The following PIEZO2 variants were observed in gnomAD, a reference collection of about 807,000 sequenced individuals.
PIEZO2 encodes the protein piezo type mechanosensitive ion channel component 2.
Under a neutral mutation model 337.3 loss-of-function variants are expected in PIEZO2, and 172 were observed. The observed-to-expected ratio is 0.51, with a 90% confidence interval of 0.45 to 0.58. The LOEUF is 0.58. Ranked by LOEUF, PIEZO2 falls within the 20% of genes least tolerant of loss-of-function variation. The pLI is 0.00. For missense variants in PIEZO2, 3,028 were observed against 3,391.3 expected (o/e 0.89, Z 2.66); for synonymous variants, 1,251 against 1,228.5 (o/e 1.02, Z -0.38).
intron 14 of PIEZO2, among the ~76,000 whole-genome samples, chr18:10,790,765 G>A (rs1480464860): frequency 6.7e-6 from 1 of 150,186 alleles, no homozygotes; most frequent in Non-Finnish European, 1.5e-5. Flanking sequence ...GAGTGCAGCG[G>A]TGAGGTCTCG....
intron 36 of PIEZO2, among the ~76,000 whole-genome samples, 159 bp from the exon 37 acceptor site, chr18:10,718,418 A>T (rs2036102285): frequency 1.3e-5 from 2 of 152,206 alleles, no homozygotes; most frequent in African/African-American, 4.8e-5. Context: ...TAGCTCTTAG[A>T]TTATTTTACT....
rs1490124878 is a variant in PIEZO2, at chr18:10,713,057, C to T, written c.5423+1707G>A. Among the ~76,000 whole-genome samples the T allele has an allele frequency of 1.3e-5, 2 of 152,106 alleles. No homozygotes were observed. The highest frequency in any genetic ancestry group is 4.8e-5 in the African/African-American group (2 of 41,412). ...TCAATACCTATTTTAGGGGAGCAGG[C>T]AGGGATACACCCATGCACAGTGTTA... On this transcript the variant is annotated intron_variant, in intron 39 of 55. Transcript: ENST00000674853. The surrounding 1 kb of genome is among the most constrained non-coding windows in gnomAD (Gnocchi z 4.5).
Position 10,979,490 on chromosome 18 carries a change from A to C in PIEZO2, c.286+45T>G, listed in dbSNP as rs890911596. The stretch of plus-strand genomic sequence containing the variant: ...CACAGCTTTATTATGCACGTATATA[A>C]AAGAAATAAAAGAAAACAATAAAAG... On this transcript the variant is annotated intron_variant, in intron 3 of 55. Transcript: ENST00000674853. This position sits in a 1 kb window ranked among gnomAD's most constrained non-coding sequence, Gnocchi z 4.0. 1 of 1,423,030 alleles carries C rather than the reference A, an allele frequency of 7.0e-7. No homozygotes were observed. Among genetic ancestry groups the C allele is most frequent in the Non-Finnish European group, 9.3e-7 (1 of 1,079,636 alleles). 88.2% of individuals were successfully genotyped at this position (1,423,030 alleles called of 1,614,324 possible).
intron 9 of PIEZO2, among the ~76,000 whole-genome samples, chr18:10,801,942 CG>C (rs1568074764): frequency 6.6e-6 from 1 of 151,708 alleles, no homozygotes; most frequent in Non-Finnish European, 1.5e-5. Context: ...AAAAATTAGC[CG>C]GGCGTCGTGG....
At chr18:10,984,427 G>T (rs541822783) in intron 2 of PIEZO2, among the ~76,000 whole-genome samples, 62 of 152,012 alleles carry the variant, frequency 4.1e-4, no homozygotes, top group African/African-American at 1.3e-3. Flanking sequence ...TGGAGCTAAA[G>T]AATACAATGA....
chr18:10,744,365 G>A (rs1045157599), intron 30 of PIEZO2, 134 bp from the exon 31 acceptor site: 3 of 626,538 alleles, frequency 4.8e-6, no homozygotes, highest in East Asian at 2.9e-5. Flanking sequence ...CTGGCTGGGA[G>A]CAGGAGTCAA....
At chr18:10,961,537 C>T (rs2033780104) in intron 3 of PIEZO2, among the ~76,000 whole-genome samples, 1 of 151,936 alleles carries the variant, frequency 6.6e-6, no homozygotes, top group Non-Finnish European at 1.5e-5. Flanking sequence ...CCAAATACCA[C>T]ATGTACCCCA....
chr18:10,674,384 G>A lies in PIEZO2; in HGVS notation c.8161+825C>T, dbSNP rs141507112. ...AGGGAAATAGCAAACTTCTTAATGC[G>A]TCTTGCAAATACCTTGTAAGAGATA... On this transcript the variant is annotated intron_variant, in intron 54 of 55. Transcript: ENST00000674853. 2.5e-3 allele frequency among the ~76,000 whole-genome samples: 374 copies of A among 152,338 alleles called. 1 individual carries two copies. The highest frequency in any genetic ancestry group is 8.2e-3 in the African/African-American group (343 of 41,584).
intron 22 of PIEZO2, 59 bp from the exon 23 acceptor site, chr18:10,762,684 GTTAT>G (rs1440814071): frequency 3.3e-5 from 50 of 1,511,166 alleles, no homozygotes; most frequent in Non-Finnish European, 1.6e-5. Flanking sequence ...GAGAGCTCAG[GTTAT>G]TTCTTCTTCA....
intron 1 of PIEZO2, among the ~76,000 whole-genome samples, chr18:11,122,620 A>G (rs1441990208): frequency 6.6e-6 from 1 of 152,232 alleles, no homozygotes; most frequent in Non-Finnish European, 1.5e-5. Context: ...CATTATTCAC[A>G]AGAATGTATT....
At position 11,047,896 on chromosome 18, in the gene PIEZO2, T is replaced by C. The variant is rs139539789; in HGVS notation, c.160+18231A>G. Among the ~76,000 whole-genome samples the C allele has an allele frequency of 3.3e-5, 5 of 152,176 alleles. No homozygotes were observed. Among genetic ancestry groups the C allele is most frequent in the African/African-American group, 1.2e-4 (5 of 41,436 alleles). The stretch of plus-strand genomic sequence containing the variant: ...GTGCAAAGGGACCTGTAAGAGTTAA[T>C]GGCTGGCCAGGTTGCCAGGAAAGAG... On this transcript the variant is annotated intron_variant, in intron 2 of 55. Transcript: ENST00000674853. This position sits in a 1 kb window ranked among gnomAD's most constrained non-coding sequence, Gnocchi z 7.2.
rs57466495 is a variant in PIEZO2, at chr18:10,707,841, T to C, written c.5588+434A>G. On this transcript the variant is annotated intron_variant, in intron 40 of 55. Transcript: ENST00000674853. The surrounding 1 kb of genome is among the most constrained non-coding windows in gnomAD (Gnocchi z 4.2). ...ATTCACTAAAAATGACTACCTATGA[T>C]AGATTTTTAGATTTTTTTCCTACTG... Among the ~76,000 whole-genome samples the C allele has an allele frequency of 0.3, 46,033 of 152,064 alleles. 7,184 individuals are homozygous for C. The highest frequency in any genetic ancestry group is 0.4 in the East Asian group (2,058 of 5,166).
At chr18:10,756,399 G>C (rs1364214402) in intron 27 of PIEZO2, among the ~76,000 whole-genome samples, 1 of 149,722 alleles carries the variant, frequency 6.7e-6, no homozygotes, top group Non-Finnish European at 1.5e-5. Flanking sequence ...AAGATGAGGA[G>C]GACGGATGGA....
chr18:11,078,668 G>T lies in PIEZO2; in HGVS notation c.65-12446C>A, dbSNP rs1218444962. 6.6e-6 allele frequency among the ~76,000 whole-genome samples: 1 copy of T among 152,170 alleles called. No individual in the cohort carries two copies. The highest frequency in any genetic ancestry group is 1.9e-4 in the East Asian group (1 of 5,192). On this transcript the variant is annotated intron_variant, in intron 1 of 55. Coordinates refer to ENST00000674853, the MANE Select transcript of PIEZO2 (RefSeq NM_001378183.1). The surrounding 1 kb of genome is among the most constrained non-coding windows in gnomAD (Gnocchi z 5.3). Reference sequence around the variant, plus strand: ...GACTCTGTCTGGGGATTATGCTTATGATACCATACTAATGAGACACATGCG... The same window carrying T: ...GACTCTGTCTGGGGATTATGCTTATTATACCATACTAATGAGACACATGCG...
rs1261712202 is a variant in PIEZO2 at position 10,877,377 on chromosome 18, A to T, written c.330-5962T>A. Among the ~76,000 whole-genome samples the T allele has an allele frequency of 6.6e-6, 1 of 152,244 alleles. No homozygotes were observed. Among genetic ancestry groups the T allele is most frequent in the Non-Finnish European group, 1.5e-5 (1 of 68,042 alleles). On this transcript the variant is annotated intron_variant, in intron 4 of 55. Transcript: ENST00000674853. This position sits in a 1 kb window ranked among gnomAD's most constrained non-coding sequence, Gnocchi z 5.3. ...TTTTTAAGAAATGGTTTTAAGGGCA[A>T]ATAATGTAATGCCCAGTCCAACTCG...
chr18:10,818,074 GA>G (rs763217685), intron 7 of PIEZO2, among the ~76,000 whole-genome samples: 1 of 151,660 alleles, frequency 6.6e-6, no homozygotes, highest in East Asian at 1.9e-4. Flanking sequence ...TCTGTCCCTT[GA>G]AAAAAATACA....
At chr18:10,932,822 G>A (rs2032169043) in intron 3 of PIEZO2, among the ~76,000 whole-genome samples, 1 of 152,064 alleles carries the variant, frequency 6.6e-6, no homozygotes. Context: ...CACTCTGGAG[G>A]CTGAGGCAGG....
intron 1 of PIEZO2, among the ~76,000 whole-genome samples, chr18:11,098,751 C>T (rs1004095817): frequency 7.9e-5 from 12 of 151,488 alleles, no homozygotes; most frequent in African/African-American, 1.7e-4. Flanking sequence ...TCAGTACATA[C>T]GTATGTATTG....
intron 44 of PIEZO2, 106 bp from the exon 45 acceptor site, chr18:10,697,986 G>A: frequency 1.8e-6 from 1 of 560,804 alleles, no homozygotes; most frequent in South Asian, 2.0e-5. Flanking sequence ...GGATAGCTCA[G>A]GACTGTTTGG....
Sources: gnomAD v4.1 joint callset for allele counts (sites outside exome capture counted in the v4.1 genomes callset) on GRCh38, gnomAD v4.1.1 for gene constraint, Gnocchi (gnomAD v3.1) non-coding constraint, MANE v1.5 for transcripts, NCBI Gene and HGNC (gene_info 2026-07-23, HGNC 2026-07-21) for gene names.